The following DYM variants were observed in gnomAD, a reference collection of about 807,000 sequenced individuals.
The protein encoded by DYM is dymeclin.
DYM carries 78 observed loss-of-function variants against 93.1 expected under a neutral mutation model. That is an observed-to-expected ratio of 0.84 (90% CI 0.70 to 1.01). The LOEUF is 1.01. DYM is among the 50% of genes least tolerant of loss of function. The pLI, the probability that DYM is intolerant of heterozygous loss-of-function variation, is 0.00. For missense variants in DYM, 789 were observed against 845.0 expected, an observed-to-expected ratio of 0.93 and a Z score of 0.82; for synonymous variants, 321 against 319.7, an observed-to-expected ratio of 1.00 and a Z score of -0.04.
intron 11 of DYM, among the ~76,000 whole-genome samples, chr18:49,269,732 G>A (rs1243429837): frequency 6.6e-6 from 1 of 152,128 alleles, no homozygotes; most frequent in East Asian, 1.9e-4. Flanking sequence ...TGTGTTTGTG[G>A]TGACTTTATA....
chr18:49,360,720 G>C lies in DYM; in HGVS notation c.494+2441C>G, dbSNP rs1015829886. On this transcript the variant is annotated intron_variant, in intron 6 of 17. Coordinates refer to ENST00000675505, the MANE Select transcript of DYM (RefSeq NM_001353214.3). ...TACCATGACAAAGAAACAGTACACAGTATATGTGTTTCCCTTCCCTGATCT... is the reference window on the plus strand; with the variant it reads ...TACCATGACAAAGAAACAGTACACACTATATGTGTTTCCCTTCCCTGATCT... Among the ~76,000 whole-genome samples the C allele has an allele frequency of 4.6e-5, 7 of 152,116 alleles. No individual in the cohort carries two copies. The South Asian group carries it at 8.3e-4, about 18-fold the overall frequency.
At chr18:49,139,939 C>T (rs761954952) in intron 15 of DYM, among the ~76,000 whole-genome samples, 1 of 152,074 alleles carries the variant, frequency 6.6e-6, no homozygotes, top group African/African-American at 2.4e-5. Context: ...TCCCAATAGG[C>T]ACAGCGGTAA....
intron 8 of DYM, among the ~76,000 whole-genome samples, chr18:49,299,666 C>A (rs1315131436): frequency 1.3e-5 from 2 of 152,116 alleles, no homozygotes; most frequent in Non-Finnish European, 2.9e-5. Context: ...CTAGCACAAT[C>A]TTTTGTATTA....
intron 8 of DYM, among the ~76,000 whole-genome samples, chr18:49,287,082 T>C (rs1042047391): frequency 6.6e-6 from 1 of 151,900 alleles, no homozygotes; most frequent in Non-Finnish European, 1.5e-5. Context: ...TCCCAGCTAC[T>C]TGGCTGAGGC....
chr18:49,350,866 C>T (rs1320958117), intron 6 of DYM, among the ~76,000 whole-genome samples: 2 of 151,812 alleles, frequency 1.3e-5, no homozygotes, highest in South Asian at 4.1e-4. Context: ...TTTTTCCATG[C>T]ACACATATTA....
chr18:49,354,410 A>G (rs1182793114), intron 6 of DYM, among the ~76,000 whole-genome samples: 2 of 152,084 alleles, frequency 1.3e-5, no homozygotes, highest in Non-Finnish European at 2.9e-5. Flanking sequence ...TGTGAAAGAC[A>G]TGATCCATCA....
At chr18:49,427,349 G>C (rs565231076) in intron 2 of DYM, among the ~76,000 whole-genome samples, 101 of 152,106 alleles carry the variant, frequency 6.6e-4, no homozygotes, top group African/African-American at 2.0e-3. Context: ...GACATGAAGG[G>C]AAAAAATAGT....
At position 49,352,527 on chromosome 18, in the gene DYM, T is replaced by C. The variant is rs575932259; in HGVS notation, c.494+10634A>G. 9.2e-5 allele frequency among the ~76,000 whole-genome samples: 14 copies of C among 152,104 alleles called. 1 individual carries two copies. Among genetic ancestry groups the C allele is most frequent in the African/African-American group, 3.1e-4 (13 of 41,468 alleles). Reference sequence around the variant, plus strand: ...CCAAGTGGTTGCCAGGGACGAGGAGTTGGGATACAGACTGACTACAAGGGA... The same window carrying C: ...CCAAGTGGTTGCCAGGGACGAGGAGCTGGGATACAGACTGACTACAAGGGA... On this transcript the variant is annotated intron_variant, in intron 6 of 17. Transcript: ENST00000675505.
At chr18:49,164,959 C>G (rs1213677618) in intron 14 of DYM, among the ~76,000 whole-genome samples, 5 of 152,118 alleles carry the variant, frequency 3.3e-5, no homozygotes, top group Non-Finnish European at 7.4e-5. Flanking sequence ...GCACTAAACA[C>G]TCCAGTTAAA....
At chr18:49,298,980 A>G (rs540966052) in intron 8 of DYM, among the ~76,000 whole-genome samples, 1 of 152,326 alleles carries the variant, frequency 6.6e-6, no homozygotes, top group East Asian at 1.9e-4. Context: ...GAATAAACAA[A>G]TTAACTATGA....
intron 8 of DYM, among the ~76,000 whole-genome samples, chr18:49,330,547 C>T (rs1486386162): frequency 2.0e-5 from 3 of 152,106 alleles, no homozygotes; most frequent in Admixed American, 6.6e-5. Context: ...AAAAACCATA[C>T]ACAAATCCAT....
At chr18:49,198,392 C>A (rs376313263) in intron 14 of DYM, among the ~76,000 whole-genome samples, 17,182 of 151,342 alleles carry the variant, frequency 0.11, 1,379 homozygotes, top group African/African-American at 0.22. Flanking sequence ...GGATCTAATT[C>A]AACTAAAGAG....
intron 13 of DYM, among the ~76,000 whole-genome samples, chr18:49,244,630 CAT>C (rs140749758): frequency 0.077 from 11,665 of 152,038 alleles, 714 homozygotes; most frequent in East Asian, 0.31. Flanking sequence ...AAATAATACT[CAT>C]ATTATTGGAT....
intron 16 of DYM, among the ~76,000 whole-genome samples, chr18:49,099,990 GATAC>G (rs2079969310): frequency 6.6e-6 from 1 of 152,132 alleles, no homozygotes; most frequent in African/African-American, 2.4e-5. Flanking sequence ...ACTAAATCTA[GATAC>G]TGTAACCAGG....
intron 8 of DYM, among the ~76,000 whole-genome samples, chr18:49,289,306 T>A (rs2059865307): frequency 2.7e-5 from 4 of 150,788 alleles, no homozygotes; most frequent in African/African-American, 9.8e-5. Flanking sequence ...TTAAATACTT[T>A]TACATGATAA....
intron 14 of DYM, among the ~76,000 whole-genome samples, chr18:49,194,582 G>C (rs2091266418): frequency 6.6e-6 from 1 of 151,910 alleles, no homozygotes; most frequent in African/African-American, 2.4e-5. Context: ...TATATTTTTA[G>C]TCACTGACTT....
chr18:49,198,600 T>G (rs955446682), intron 14 of DYM, among the ~76,000 whole-genome samples: 19 of 151,984 alleles, frequency 1.3e-4, no homozygotes, highest in African/African-American at 4.4e-4. Flanking sequence ...AAGAAGACAT[T>G]TATGCAGCCA....
chr18:49,328,876 G>A (rs558595426), intron 8 of DYM, among the ~76,000 whole-genome samples: 102 of 152,236 alleles, frequency 6.7e-4, no homozygotes, highest in African/African-American at 2.3e-3. Context: ...ACAGTGTGGC[G>A]ATTCCTCAGG....
intron 17 of DYM, among the ~76,000 whole-genome samples, chr18:49,044,513 AT>A (rs2071215917): frequency 6.6e-6 from 1 of 152,254 alleles, no homozygotes; most frequent in African/African-American, 2.4e-5. Context: ...TAGCTGAGAC[AT>A]GGACCCTGCC....
Sources: allele counts gnomAD v4.1 joint callset (sites outside exome capture counted in the v4.1 genomes callset), GRCh38; gene constraint gnomAD v4.1.1; transcripts MANE v1.5; gene names NCBI Gene and HGNC (gene_info 2026-07-23, HGNC 2026-07-21).